Variants in DTNA observed in about 807,000 individuals in gnomAD.
The protein encoded by DTNA is dystrophin-related protein 3.
Under a neutral mutation model 100.7 loss-of-function variants are expected in DTNA, and 43 were observed. The observed-to-expected ratio is 0.43, with a 90% CI of 0.33 to 0.55. The LOEUF (loss-of-function observed/expected upper bound fraction) is 0.55, where lower values mean the gene tolerates loss of function less well. Ranked by LOEUF, DTNA falls within the 20% of genes least tolerant of loss-of-function variation. DTNA has a pLI of 0.04. For missense variants in DTNA, 798 were observed against 953.9 expected, an observed-to-expected ratio of 0.84 and a Z score of 2.15; for synonymous variants, 349 against 347.9, an observed-to-expected ratio of 1.00 and a Z score of -0.04.
intron 14 of DTNA, among the ~76,000 whole-genome samples, chr18:34,850,868 A>G (rs1030053461): frequency 8.5e-5 from 13 of 152,224 alleles, no homozygotes; most frequent in Non-Finnish European, 1.8e-4. Flanking sequence ...CTATGTTTAT[A>G]TGAGAATGGA....
rs1391295764 is a variant in DTNA, at chr18:34,859,695, AGTACAAATCGT to A, written c.1646+1298_1646+1308del. The stretch of plus-strand genomic sequence containing the variant: ...CCTTTCCATTCAGTTCTAGGAAGTC[AGTACAAATCGT>A]CCTTAGTTTCGCTGCCTCCAGTCCC... On this transcript the variant is annotated intron_variant, in intron 16 of 22. Transcript: ENST00000444659. Among the ~76,000 whole-genome samples the A allele has an allele frequency of 1.2e-3, 183 of 152,316 alleles. 1 individual carries two copies. The highest frequency in any genetic ancestry group is 4.2e-3 in the African/African-American group (174 of 41,552).
At chr18:34,766,468 G>A (rs1314872841) in intron 3 of DTNA, among the ~76,000 whole-genome samples, 5 of 100,386 alleles carry the variant, frequency 5.0e-5, no homozygotes, top group African/African-American at 1.6e-4. Flanking sequence ...TCATAGGTGG[G>A]AACTGAACAA....
At chr18:34,811,152 A>G (rs112076588) in intron 5 of DTNA, among the ~76,000 whole-genome samples, 2 of 152,348 alleles carry the variant, frequency 1.3e-5, no homozygotes, top group African/African-American at 4.8e-5. Context: ...TTTCATTCTA[A>G]TAGTGATTTG....
intron 1 of DTNA, among the ~76,000 whole-genome samples, chr18:34,595,539 C>T (rs1473424000): frequency 6.6e-6 from 1 of 152,082 alleles, no homozygotes; most frequent in Non-Finnish European, 1.5e-5. Flanking sequence ...AATTGTCAAT[C>T]TTAGCTTTTA....
intron 11 of DTNA, among the ~76,000 whole-genome samples, chr18:34,837,080 G>A (rs1052613771): frequency 8.6e-5 from 13 of 151,910 alleles, no homozygotes; most frequent in Admixed American, 8.5e-4. Flanking sequence ...ATTTTTGGTG[G>A]AACCTCATAA....
At chr18:34,644,308 A>G (rs1156507194) in intron 1 of DTNA, among the ~76,000 whole-genome samples, 1 of 152,164 alleles carries the variant, frequency 6.6e-6, no homozygotes, top group African/African-American at 2.4e-5. Flanking sequence ...ATTATCATCA[A>G]GAGGATGTTT....
chr18:34,833,707 G>A (rs916149387), intron 11 of DTNA, among the ~76,000 whole-genome samples: 2 of 152,150 alleles, frequency 1.3e-5, no homozygotes, highest in African/African-American at 2.4e-5. Context: ...AAAAGATGGC[G>A]ATAAGAAAAA....
At chr18:34,829,632 G>C (rs780597264) in intron 11 of DTNA, 143 bp downstream of exon 11, 2 of 894,466 alleles carry the variant, frequency 2.2e-6, no homozygotes, top group South Asian at 5.2e-5. Context: ...AAATTGTGTT[G>C]AGACTTTTCA....
chr18:34,725,627 G>T (rs1236610191), intron 1 of DTNA, among the ~76,000 whole-genome samples: 1 of 152,172 alleles, frequency 6.6e-6, no homozygotes, highest in Non-Finnish European at 1.5e-5. Context: ...TGGAGAAATA[G>T]GAACACTTTT....
At chr18:34,715,260 TG>T (rs2083796459) in intron 1 of DTNA, among the ~76,000 whole-genome samples, 1 of 152,096 alleles carries the variant, frequency 6.6e-6, no homozygotes, top group African/African-American at 2.4e-5. Context: ...GTACAATGTG[TG>T]GGTCAGTATC....
chr18:34,875,667 A>G (rs12958582), intron 18 of DTNA, among the ~76,000 whole-genome samples: 4 of 152,130 alleles, frequency 2.6e-5, no homozygotes, highest in Admixed American at 6.5e-5. Context: ...CTTTTCACCA[A>G]TACCCCCAGA....
chr18:34,658,548 T>C (rs2074720821), intron 1 of DTNA, among the ~76,000 whole-genome samples: 1 of 152,148 alleles, frequency 6.6e-6, no homozygotes, highest in Non-Finnish European at 1.5e-5. Flanking sequence ...GAGATGGGGT[T>C]TTGTCATGTT....
Position 34,879,590 on chromosome 18 carries a change from T to C in DTNA, c.2033T>C (p.Phe678Ser). Residue 678 changes from phenylalanine to serine, a missense_variant, in exon 20 of 23, where the codon TTT becomes TCT. By Grantham distance (155) the Phe-to-Ser change is radical. This residue lies in a region of DTNA where 242 missense variants were observed against 238.2 expected (regional missense o/e 1.02). Transcript: ENST00000444659. ...ACAGAGAGTAATGTGGATTCTGAAT[T>C]TGCACGGACTCAGTTTGAGGATCTT... The part of the protein sequence containing the change: ...SETESNVDSE[F>S]ARTQFEDLVP... The C allele has an allele frequency of 6.2e-7, 1 of 1,614,100 alleles. No individual in the cohort carries two copies. Among genetic ancestry groups the C allele is most frequent in the Non-Finnish European group, 8.5e-7 (1 of 1,179,988 alleles).
intron 1 of DTNA, among the ~76,000 whole-genome samples, chr18:34,517,822 A>G (rs554728408): frequency 1.3e-5 from 2 of 152,148 alleles, no homozygotes; most frequent in Admixed American, 1.3e-4. Flanking sequence ...AGGTATGGAT[A>G]TACCACATTT....
chr18:34,598,853 G>A (rs576930024), intron 1 of DTNA, among the ~76,000 whole-genome samples: 6 of 152,060 alleles, frequency 3.9e-5, no homozygotes, highest in East Asian at 3.9e-4. Context: ...GTGACAGAGC[G>A]AGACTCCATC....
chr18:34,768,863 A>C (rs2093622901), intron 3 of DTNA, among the ~76,000 whole-genome samples: 2 of 152,196 alleles, frequency 1.3e-5, no homozygotes, highest in African/African-American at 4.8e-5. Context: ...GCTTTTAAGC[A>C]GATTTATAAA....
intron 1 of DTNA, among the ~76,000 whole-genome samples, chr18:34,576,463 G>GTTTA (rs989003674): frequency 4.6e-5 from 7 of 151,960 alleles, no homozygotes; most frequent in Admixed American, 6.6e-5. Context: ...TGTTTTGTTT[G>GTTTA]TTTATTTATT....
intron 1 of DTNA, among the ~76,000 whole-genome samples, chr18:34,563,814 TC>T (rs760064029): frequency 6.6e-6 from 1 of 152,132 alleles, no homozygotes; most frequent in African/African-American, 2.4e-5. Flanking sequence ...GGGGAGAAAT[TC>T]CCCTGTTTTT....
intron 1 of DTNA, among the ~76,000 whole-genome samples, chr18:34,743,636 A>G (rs1247187749): frequency 2.0e-5 from 3 of 152,200 alleles, no homozygotes; most frequent in African/African-American, 7.2e-5. Context: ...TTTATTAAAA[A>G]TCAAAATAGC....
Sources: gnomAD v4.1 joint callset for allele counts (sites outside exome capture counted in the v4.1 genomes callset) on GRCh38, gnomAD v4.1.1 for gene constraint, gnomAD v4.1.1 regional missense constraint, MANE v1.5 for transcripts, NCBI Gene and HGNC (gene_info 2026-07-23, HGNC 2026-07-21) for gene names.